HMGB1: variants seen among roughly 807,000 people sequenced by gnomAD.
The protein encoded by HMGB1 is high mobility group box 1.
For synonymous variants in HMGB1, 81 were observed against 84.0 expected (o/e 0.96, Z 0.19); for missense variants, 79 against 253.5 (o/e 0.31, Z 4.67).
intron 1 of HMGB1, among the ~76,000 whole-genome samples, chr13:30,538,563 C>CTTT (rs761089163): frequency 1.1e-4 from 8 of 75,294 alleles, no homozygotes; most frequent in East Asian, 6.7e-4. Context: ...CTTTTTCTTT[C>CTTT]TTCTTTTTCT....
intron 1 of HMGB1, among the ~76,000 whole-genome samples, chr13:30,581,467 G>T (rs1870897627): frequency 6.6e-6 from 1 of 152,160 alleles, no homozygotes. Context: ...ACTGTCAATG[G>T]CTGCTTTTGC....
chr13:30,527,621 T>C (rs1160536589), intron 1 of HMGB1, among the ~76,000 whole-genome samples: 1 of 152,002 alleles, frequency 6.6e-6, no homozygotes, highest in East Asian at 1.9e-4. Flanking sequence ...GCCGATACAG[T>C]GTGACACAAA....
chr13:30,538,150 G>A (rs763614735), intron 1 of HMGB1, among the ~76,000 whole-genome samples: 11 of 152,168 alleles, frequency 7.2e-5, no homozygotes, highest in African/African-American at 1.7e-4. Flanking sequence ...TAAAGAAAGC[G>A]TCTTACAGGA....
chr13:30,464,721 C>CCGCCAA, intron 1 of HMGB1: 6 of 817,556 alleles, frequency 7.3e-6, no homozygotes, highest in Non-Finnish European at 8.8e-6. Context: ...GCCGCCGCCG[C>CCGCCAA]CGCGAGGGCG....
At chr13:30,572,311 G>A (rs891654282) in intron 1 of HMGB1, among the ~76,000 whole-genome samples, 4 of 152,182 alleles carry the variant, frequency 2.6e-5, no homozygotes, top group Non-Finnish European at 4.4e-5. Context: ...CTCAGAGACC[G>A]TTCAGTTACA....
intron 1 of HMGB1, chr13:30,539,635 G>T: frequency 3.2e-6 from 1 of 315,148 alleles, no homozygotes. Flanking sequence ...ATCCTCTGAG[G>T]GTCCTGAAAA....
intron 1 of HMGB1, among the ~76,000 whole-genome samples, chr13:30,586,894 C>T (rs1871177492): frequency 6.6e-6 from 1 of 152,126 alleles, no homozygotes; most frequent in African/African-American, 2.4e-5. Flanking sequence ...TCCCTACCTC[C>T]CTCAATAACT....
At position 30,550,843 on chromosome 13, in the gene HMGB1, G is replaced by A. The variant is rs115034986; in HGVS notation, c.-15+65828C>T. Among the ~76,000 whole-genome samples, 622 of 152,288 alleles carry A rather than the reference G, an allele frequency of 4.1e-3. 1 individual carries two copies. The highest frequency in any genetic ancestry group is 0.014 in the African/African-American group (587 of 41,568). On this transcript the variant is annotated intron_variant, in intron 1 of 4. Transcript: ENST00000405805. Reference sequence around the variant, plus strand: ...TGTCATATATTACATTTACTAAGAAGTAGAAATACATGTACTTTCTAAACT... The same window carrying A: ...TGTCATATATTACATTTACTAAGAAATAGAAATACATGTACTTTCTAAACT...
chr13:30,570,158 G>C (rs544001271), intron 1 of HMGB1, among the ~76,000 whole-genome samples: 3 of 152,298 alleles, frequency 2.0e-5, no homozygotes, highest in African/African-American at 7.2e-5. Context: ...TGGAAGCCTC[G>C]CTCTGCTTAA....
At chr13:30,510,146 A>G (rs1887960248) in intron 1 of HMGB1, among the ~76,000 whole-genome samples, 1 of 152,188 alleles carries the variant, frequency 6.6e-6, no homozygotes, top group Admixed American at 6.5e-5. Context: ...AACTGACCTC[A>G]TAGCCTCAGC....
intron 1 of HMGB1, among the ~76,000 whole-genome samples, chr13:30,505,345 A>AT (rs557119706): frequency 5.9e-4 from 90 of 151,910 alleles, no homozygotes; most frequent in South Asian, 2.3e-3. Flanking sequence ...GGCCTGGCTA[A>AT]TTTTTTGTAT....
chr13:30,597,209 G>A (rs942264857), intron 1 of HMGB1, among the ~76,000 whole-genome samples: 2 of 134,452 alleles, frequency 1.5e-5, no homozygotes, highest in African/African-American at 3.3e-5. Context: ...AATCCAATAC[G>A]ACCAGTGTCC....
chr13:30,496,889 C>T (rs997129525), intron 1 of HMGB1, among the ~76,000 whole-genome samples: 1 of 152,038 alleles, frequency 6.6e-6, no homozygotes, highest in Admixed American at 6.6e-5. Flanking sequence ...AACACACACA[C>T]CACACACACC....
At chr13:30,508,475 G>A (rs1383124236) in intron 1 of HMGB1, among the ~76,000 whole-genome samples, 5 of 151,898 alleles carry the variant, frequency 3.3e-5, no homozygotes, top group South Asian at 2.1e-4. Context: ...TCACACCACC[G>A]CACTCCAGTC....
At chr13:30,536,937 C>T (rs1318520948) in intron 1 of HMGB1, among the ~76,000 whole-genome samples, 1 of 152,202 alleles carries the variant, frequency 6.6e-6, no homozygotes, top group African/African-American at 2.4e-5. Flanking sequence ...CGCAGCTCTA[C>T]AGCTGCTTCC....
rs376893348 is a variant in HMGB1, at chr13:30,592,871, T to TA, written c.-15+23799dup. Among the ~76,000 whole-genome samples, 923 of 139,184 alleles carry TA rather than the reference T, an allele frequency of 6.6e-3. 3 individuals carry two copies. The highest frequency in any genetic ancestry group is 8.0e-3 in the Non-Finnish European group (504 of 62,950). The allele number at this position is 139,184 out of a possible 152,430, so 91.3% of individuals were successfully genotyped here. On this transcript the variant is annotated intron_variant, in intron 1 of 4. Coordinates refer to the HMGB1 transcript ENST00000405805. ...TAATTTAAAATTTAGTGCTTTTTTT[T>TA]AAAAAAAAAAAAAAAGCGAATCCCT... is the stretch of plus-strand genomic sequence containing the variant.
intron 1 of HMGB1, among the ~76,000 whole-genome samples, chr13:30,476,376 T>G (rs556402653): frequency 6.6e-6 from 1 of 151,826 alleles, no homozygotes; most frequent in East Asian, 2.0e-4. Flanking sequence ...TGACCTCAAG[T>G]GTTCTGCCCA....
chr13:30,521,688 G>A (rs1311148931), intron 1 of HMGB1, among the ~76,000 whole-genome samples: 1 of 152,198 alleles, frequency 6.6e-6, no homozygotes, highest in Non-Finnish European at 1.5e-5. Flanking sequence ...TCATGTACAA[G>A]ATTTTGTGTA....
chr13:30,579,059 G>A (rs1870787226), intron 1 of HMGB1, among the ~76,000 whole-genome samples: 1 of 152,118 alleles, frequency 6.6e-6, no homozygotes, highest in African/African-American at 2.4e-5. Context: ...TGAATCCAAG[G>A]GCAAGGACGG....
Sources: allele counts gnomAD v4.1 joint callset (sites outside exome capture counted in the v4.1 genomes callset), GRCh38; gene constraint gnomAD v4.1.1; transcripts MANE v1.5; gene names NCBI Gene and HGNC (gene_info 2026-07-23, HGNC 2026-07-21).